KIF13A: variants seen among roughly 807,000 people sequenced by gnomAD.
KIF13A encodes kinesin-like protein KIF13A.
Under a neutral mutation model 212.2 loss-of-function variants are expected in KIF13A, and 79 were observed. The ratio of observed to expected loss-of-function variants is 0.37; its 90% CI spans 0.31 to 0.45. The LOEUF (loss-of-function observed/expected upper bound fraction) is 0.45, where lower values mean the gene tolerates loss of function less well. Ranked by LOEUF, KIF13A falls within the 20% of genes least tolerant of loss-of-function variation. The pLI, the probability that KIF13A is intolerant of heterozygous loss-of-function variation, is 1.00. For missense variants in KIF13A, 1,901 were observed against 2,209.0 expected, an observed-to-expected ratio of 0.86 and a Z score of 2.79; for synonymous variants, 789 against 808.6, an observed-to-expected ratio of 0.98 and a Z score of 0.41.
chr6:17,915,363 G>C lies in KIF13A; in HGVS notation c.147-17183C>G, dbSNP rs1012255807. 2.0e-5 allele frequency among the ~76,000 whole-genome samples: 3 copies of C among 152,174 alleles called. No individual in the cohort carries two copies. Among genetic ancestry groups the C allele is most frequent in the African/African-American group, 7.2e-5 (3 of 41,438 alleles). ...GTTACCTCACCTGTCAAATAGAGCT[G>C]GTGTGGGGTTAAGTGAATTAACATA... is the stretch of plus-strand genomic sequence containing the variant. On this transcript the variant is annotated intron_variant, in intron 2 of 38. Transcript: ENST00000259711. This position sits in a 1 kb window ranked among gnomAD's most constrained non-coding sequence, Gnocchi z 4.4.
At chr6:17,805,095 A>C (rs1013830770) in intron 19 of KIF13A, among the ~76,000 whole-genome samples, 1 of 152,156 alleles carries the variant, frequency 6.6e-6, no homozygotes, top group South Asian at 2.1e-4. Flanking sequence ...GGGTGCGTGA[A>C]CACACATTAA....
intron 2 of KIF13A, among the ~76,000 whole-genome samples, chr6:17,959,922 T>G (rs1403099202): frequency 6.6e-6 from 1 of 151,490 alleles, no homozygotes; most frequent in Non-Finnish European, 1.5e-5. Context: ...ACTTGGGAGC[T>G]GAGGCAGGAG....
intron 2 of KIF13A, among the ~76,000 whole-genome samples, chr6:17,923,923 A>T (rs1775287892): frequency 1.3e-5 from 2 of 152,142 alleles, no homozygotes; most frequent in Admixed American, 1.3e-4. Flanking sequence ...TATTTACATG[A>T]TCAGCCCTCT....
chr6:17,835,497 C>T (rs11759416), intron 11 of KIF13A, among the ~76,000 whole-genome samples: 67,943 of 151,590 alleles, frequency 0.45, 15,802 homozygotes, highest in South Asian at 0.54. Context: ...GAAAATTATA[C>T]TTTATGCACT....
At chr6:17,814,196 C>T (rs1049860944) in intron 17 of KIF13A, among the ~76,000 whole-genome samples, 2 of 150,876 alleles carry the variant, frequency 1.3e-5, no homozygotes, top group Non-Finnish European at 2.9e-5. Flanking sequence ...CGTGATCTGC[C>T]CGCCTTGGCC....
At chr6:17,924,104 C>CTT (rs1775302639) in intron 2 of KIF13A, among the ~76,000 whole-genome samples, 1 of 152,150 alleles carries the variant, frequency 6.6e-6, no homozygotes, top group Non-Finnish European at 1.5e-5. Context: ...ATTTTTAAAA[C>CTT]TTTAAAAAAA....
At chr6:17,930,723 T>C (rs1775914708) in intron 2 of KIF13A, among the ~76,000 whole-genome samples, 2 of 152,190 alleles carry the variant, frequency 1.3e-5, no homozygotes, top group South Asian at 4.1e-4. Context: ...AAAGGGACAG[T>C]GGTGATCTCA....
chr6:17,975,563 G>T (rs1448498415), intron 2 of KIF13A, among the ~76,000 whole-genome samples: 1 of 152,150 alleles, frequency 6.6e-6, no homozygotes, highest in African/African-American at 2.4e-5. Context: ...AAAGCTTCCA[G>T]TACAGAACAA....
chr6:17,839,591 G>A lies in KIF13A; in HGVS notation c.831-2008C>T, dbSNP rs1766313089. On this transcript the variant is annotated intron_variant, in intron 9 of 38. Coordinates refer to ENST00000259711, the MANE Select transcript of KIF13A (RefSeq NM_022113.6). This position sits in a 1 kb window ranked among gnomAD's most constrained non-coding sequence, Gnocchi z 4.3. ...CCTGGGTTGAACAGTATTCATGTCC[G>A]CCAGACCCTCAGAATGTGACCCTAT... is the stretch of plus-strand genomic sequence containing the variant. Among the ~76,000 whole-genome samples the A allele has an allele frequency of 1.3e-5, 2 of 152,112 alleles. No homozygotes were observed. The highest frequency in any genetic ancestry group is 2.4e-5 in the African/African-American group (1 of 41,412).
chr6:17,802,080 G>A (rs1762513006), intron 20 of KIF13A, among the ~76,000 whole-genome samples: 1 of 152,128 alleles, frequency 6.6e-6, no homozygotes, highest in African/African-American at 2.4e-5. Flanking sequence ...TGTACAAGGT[G>A]ACACATGTTC....
intron 23 of KIF13A, among the ~76,000 whole-genome samples, chr6:17,796,463 G>A (rs1013375608): frequency 4.0e-5 from 6 of 150,714 alleles, no homozygotes; most frequent in Non-Finnish European, 1.5e-5. Context: ...GGCTGGTCTC[G>A]AACTCCTGAC....
chr6:17,950,585 A>G (rs2150569527), intron 2 of KIF13A: 1 of 985,186 alleles, frequency 1.0e-6, no homozygotes, highest in African/African-American at 1.7e-5. Context: ...GATTTTAACA[A>G]AAGCATTATT....
chr6:17,804,652 A>G (rs1333239268), intron 19 of KIF13A, 142 bp from the exon 20 acceptor site: 3 of 925,150 alleles, frequency 3.2e-6, no homozygotes, highest in Admixed American at 6.3e-5. Flanking sequence ...TGTCACATAA[A>G]TAAAAACTAA....
intron 2 of KIF13A, among the ~76,000 whole-genome samples, chr6:17,957,029 C>T (rs989412882): frequency 3.3e-5 from 5 of 152,206 alleles, no homozygotes; most frequent in East Asian, 1.9e-4. Flanking sequence ...TGCAGGTACC[C>T]ACCACCATGC....
chr6:17,933,385 G>A (rs1032855045), intron 2 of KIF13A, among the ~76,000 whole-genome samples: 5 of 147,536 alleles, frequency 3.4e-5, no homozygotes, highest in Admixed American at 6.8e-5. Flanking sequence ...TAGCTGGCAC[G>A]CACCACCACA....
intron 2 of KIF13A, among the ~76,000 whole-genome samples, chr6:17,955,686 G>A (rs368144307): frequency 6.6e-6 from 1 of 152,148 alleles, no homozygotes; most frequent in African/African-American, 2.4e-5. Context: ...ACAAAGTCAT[G>A]GTTTACTAAA....
At chr6:17,844,082 A>G (rs1247160914) in intron 9 of KIF13A, among the ~76,000 whole-genome samples, 1 of 151,874 alleles carries the variant, frequency 6.6e-6, no homozygotes, top group East Asian at 1.9e-4. Flanking sequence ...GAAAAGAAAT[A>G]ATTAGTTGAA....
intron 20 of KIF13A, among the ~76,000 whole-genome samples, chr6:17,802,739 G>A (rs981393972): frequency 1.3e-5 from 2 of 151,892 alleles, no homozygotes; most frequent in Admixed American, 6.6e-5. Flanking sequence ...ACTCTGCCAT[G>A]TTAACTGTGC....
rs1463176925 is a variant in KIF13A at position 17,787,904 on chromosome 6, T to G, written c.3262-29A>C. ...ACATCAGGGAGGGAAAATATTTTCC[T>G]GTAGACTGCACAGACAACGATTTCT... On this transcript the variant is annotated intron_variant, in intron 26 of 38. Transcript: ENST00000259711. The surrounding 1 kb of genome is among the most constrained non-coding windows in gnomAD (Gnocchi z 4.6). 8.3e-7 allele frequency: 1 copy of G among 1,209,702 alleles called. No homozygotes were observed. Among genetic ancestry groups the G allele is most frequent in the Non-Finnish European group, 1.2e-6 (1 of 813,882 alleles). The allele number at this position is 1,209,702 out of a possible 1,614,324, so 74.9% of individuals were successfully genotyped here. A position where few individuals can be genotyped will look rare whatever the true frequency, so the allele number is the denominator to read the frequency against.
Sources: gnomAD v4.1 joint callset for allele counts (sites outside exome capture counted in the v4.1 genomes callset) on GRCh38, gnomAD v4.1.1 for gene constraint, Gnocchi (gnomAD v3.1) non-coding constraint, MANE v1.5 for transcripts, NCBI Gene and HGNC (gene_info 2026-07-23, HGNC 2026-07-21) for gene names.